The following DSCAML1 variants were observed in gnomAD, a reference collection of about 807,000 sequenced individuals.
DSCAML1 encodes the protein DS cell adhesion molecule like 1.
In DSCAML1, 38 loss-of-function variants were observed where a neutral mutation model predicts 200.5. The observed-to-expected ratio is 0.19, with a 90% confidence interval of 0.15 to 0.25. DSCAML1 has a LOEUF of 0.25. Ranked by LOEUF, DSCAML1 falls within the 10% of genes least tolerant of loss-of-function variation. The pLI, the probability that DSCAML1 is intolerant of heterozygous loss-of-function variation, is 1.00. For missense variants in DSCAML1, 2,223 were observed against 2,858.8 expected, an observed-to-expected ratio of 0.78 and a Z score of 5.07; for synonymous variants, 1,215 against 1,165.0, an observed-to-expected ratio of 1.04 and a Z score of -0.87.
At chr11:117,622,676 T>C (rs548120544) in intron 3 of DSCAML1, among the ~76,000 whole-genome samples, 4 of 152,260 alleles carry the variant, frequency 2.6e-5, no homozygotes, top group African/African-American at 9.6e-5. Context: ...AGAGCCCTGA[T>C]CCACTGGGGA....
intron 3 of DSCAML1, among the ~76,000 whole-genome samples, chr11:117,609,518 G>A (rs1172146600): frequency 6.6e-6 from 1 of 151,952 alleles, no homozygotes; most frequent in Non-Finnish European, 1.5e-5. Context: ...TGTTGCCCAG[G>A]CTGGTCTCAA....
intron 3 of DSCAML1, among the ~76,000 whole-genome samples, chr11:117,537,784 C>T (rs1024253610): frequency 2.6e-4 from 40 of 152,160 alleles, no homozygotes; most frequent in African/African-American, 8.2e-4. Context: ...GTAACAGCAA[C>T]GAAACGCAAG....
At chr11:117,619,334 C>T (rs1157586661) in intron 3 of DSCAML1, among the ~76,000 whole-genome samples, 4 of 152,184 alleles carry the variant, frequency 2.6e-5, no homozygotes, top group African/African-American at 9.7e-5. Context: ...CGATGGGCAC[C>T]CAAGACCAAC....
intron 1 of DSCAML1, 99 bp downstream of exon 1, chr11:117,796,935 C>T: frequency 1.1e-6 from 1 of 936,444 alleles, no homozygotes; most frequent in Admixed American, 4.5e-5. Context: ...CGGTCGGTTC[C>T]CCCACGCACC....
chr11:117,528,303 G>A (rs190813942), intron 4 of DSCAML1, among the ~76,000 whole-genome samples: 4 of 152,318 alleles, frequency 2.6e-5, no homozygotes, highest in African/African-American at 9.6e-5. Flanking sequence ...GGGGCCATCA[G>A]GGTGGTGGAG....
rs1445880151 is a variant in DSCAML1 at position 117,437,674 on chromosome 11, C to T, written c.4432+221G>A. On this transcript the variant is annotated intron_variant, in intron 25 of 32. Coordinates refer to ENST00000651296, the MANE Select transcript of DSCAML1 (RefSeq NM_020693.4). The surrounding 1 kb of genome is among the most constrained non-coding windows in gnomAD (Gnocchi z 5.3). ...GCTGGGAAGAGGCAAAGGAATGCCA[C>T]CTTCGGCCACCCGGTGGGGAAGTGG... 1.3e-5 allele frequency among the ~76,000 whole-genome samples: 2 copies of T among 152,114 alleles called. No homozygotes were observed. The highest frequency in any genetic ancestry group is 2.9e-5 in the Non-Finnish European group (2 of 68,006).
chr11:117,749,612 A>G (rs868793131), intron 3 of DSCAML1, among the ~76,000 whole-genome samples: 17 of 152,228 alleles, frequency 1.1e-4, no homozygotes, highest in African/African-American at 4.1e-4. Flanking sequence ...GGAAGGAGGC[A>G]GTGGGTGATC....
intron 3 of DSCAML1, among the ~76,000 whole-genome samples, chr11:117,619,964 G>C (rs547803928): frequency 6.6e-6 from 1 of 152,142 alleles, no homozygotes; most frequent in Non-Finnish European, 1.5e-5. Context: ...TTGAGCCTAC[G>C]TGGGAATAAT....
chr11:117,582,605 T>C (rs185439572), intron 3 of DSCAML1, among the ~76,000 whole-genome samples: 251 of 152,304 alleles, frequency 1.6e-3, no homozygotes, highest in African/African-American at 5.6e-3. Context: ...CATGCTTGGA[T>C]GGACAGTGAA....
intron 3 of DSCAML1, among the ~76,000 whole-genome samples, chr11:117,619,068 C>T (rs2051871559): frequency 6.6e-6 from 1 of 152,230 alleles, no homozygotes; most frequent in South Asian, 2.1e-4. Context: ...TCTCTGTTCC[C>T]TCCCCAGCTC....
chr11:117,443,838 G>A, intron 21 of DSCAML1, 48 bp downstream of exon 21: 1 of 1,533,934 alleles, frequency 6.5e-7, no homozygotes, highest in Middle Eastern at 1.7e-4. Context: ...TTCTGTAAGG[G>A]AGCTTTTGGA....
chr11:117,666,851 A>G (rs575050257), intron 3 of DSCAML1, among the ~76,000 whole-genome samples: 1 of 152,344 alleles, frequency 6.6e-6, no homozygotes, highest in African/African-American at 2.4e-5. Context: ...AAATGCAGTG[A>G]TGGATCTGGA....
intron 14 of DSCAML1, among the ~76,000 whole-genome samples, chr11:117,477,512 A>T (rs2048822287): frequency 6.6e-6 from 1 of 152,074 alleles, no homozygotes; most frequent in East Asian, 1.9e-4. Context: ...CTGCAAAAAA[A>T]AAATTGGCAC....
chr11:117,612,205 A>G (rs961856938), intron 3 of DSCAML1, among the ~76,000 whole-genome samples: 2 of 152,202 alleles, frequency 1.3e-5, no homozygotes, highest in Admixed American at 6.5e-5. Flanking sequence ...ACTTTTAGAG[A>G]CGCTTTCCAG....
intron 3 of DSCAML1, among the ~76,000 whole-genome samples, chr11:117,685,696 T>A (rs2053391264): frequency 6.6e-6 from 1 of 152,154 alleles, no homozygotes; most frequent in Non-Finnish European, 1.5e-5. Context: ...CTGGGTGACT[T>A]CCAGTGGTAG....
chr11:117,742,622 T>C (rs749559317), intron 3 of DSCAML1, among the ~76,000 whole-genome samples: 5 of 152,196 alleles, frequency 3.3e-5, no homozygotes, highest in African/African-American at 9.6e-5. Flanking sequence ...AGCTGGGGAC[T>C]TGGAGAGCCG....
At position 117,504,567 on chromosome 11, in the gene DSCAML1, A is replaced by G. The variant is rs541972380; in HGVS notation, c.2182+357T>C. Among the ~76,000 whole-genome samples the G allele has an allele frequency of 2.6e-5, 4 of 152,258 alleles. No individual in the cohort carries two copies. The highest frequency in any genetic ancestry group is 9.6e-5 in the African/African-American group (4 of 41,552). ...TCCAAGAAGGACCCTGACCCCAGAA[A>G]AGGTTGACTGGTGAGAAGCAGGGGG... On this transcript the variant is annotated intron_variant, in intron 10 of 32. Transcript: ENST00000651296. The surrounding 1 kb of genome is among the most constrained non-coding windows in gnomAD (Gnocchi z 5.0).
chr11:117,431,127 C>T, intron 31 of DSCAML1, 94 bp from the exon 32 acceptor site: 1 of 1,291,388 alleles, frequency 7.7e-7, no homozygotes, highest in East Asian at 2.3e-5. Context: ...CAGCAGCCAT[C>T]TGTAAGTCTG....
In DSCAML1 at chr11:117,482,163, C is replaced by T; in HGVS notation, c.2360-1G>A. On this transcript the variant is annotated splice_acceptor_variant, in intron 11 of 32. Coordinates refer to ENST00000651296, the MANE Select transcript of DSCAML1 (RefSeq NM_020693.4). LOFTEE classifies it high-confidence loss of function. Reference sequence around the variant, plus strand: ...GGGTGGGAAGTGATCATGGCCGGGACTGGGGGGCGGAGGCAGAGAAGGCCC... The same window carrying T: ...GGGTGGGAAGTGATCATGGCCGGGATTGGGGGGCGGAGGCAGAGAAGGCCC... 6.2e-7 allele frequency: 1 copy of T among 1,613,970 alleles called. No homozygotes were observed. The highest frequency in any genetic ancestry group is 8.5e-7 in the Non-Finnish European group (1 of 1,179,938).
Sources: allele counts gnomAD v4.1 joint callset (sites outside exome capture counted in the v4.1 genomes callset), GRCh38; gene constraint gnomAD v4.1.1; non-coding constraint Gnocchi (gnomAD v3.1); transcripts MANE v1.5; gene names NCBI Gene and HGNC (gene_info 2026-07-23, HGNC 2026-07-21).